The following PLXND1 variants were observed in gnomAD, a reference collection of about 807,000 sequenced individuals.
PLXND1 encodes plexin-D1.
A neutral mutation model predicts 197.7 loss-of-function variants in PLXND1; 54 were observed. The observed-to-expected ratio is 0.27, with a 90% CI of 0.22 to 0.34. The LOEUF (loss-of-function observed/expected upper bound fraction) is 0.34, where lower values mean the gene tolerates loss of function less well. PLXND1 is among the 10% of genes least tolerant of loss of function. The pLI is 1.00. For missense variants in PLXND1, 2,127 were observed against 2,699.2 expected (o/e 0.79, Z 4.70); for synonymous variants, 1,180 against 1,161.2 (o/e 1.02, Z -0.33).
rs907928900 is a variant in PLXND1, at chr3:129,577,367, C to T, written c.2346+962G>A. Among the ~76,000 whole-genome samples, 2 of 152,198 alleles carry T rather than the reference C, an allele frequency of 1.3e-5. No individual in the cohort carries two copies. The highest frequency in any genetic ancestry group is 2.9e-5 in the Non-Finnish European group (2 of 68,026). On this transcript the variant is annotated intron_variant, in intron 9 of 35. Transcript: ENST00000324093. This position sits in a 1 kb window ranked among gnomAD's most constrained non-coding sequence, Gnocchi z 5.0. ...TCAAGTCAGGCTCACACCTCCCCATCCCAGGCGCCCACGGCCCAGGGGCAG... is the reference window on the plus strand; with the variant it reads ...TCAAGTCAGGCTCACACCTCCCCATTCCAGGCGCCCACGGCCCAGGGGCAG...
chr3:129,575,582 A>C lies in PLXND1; in HGVS notation c.2437-20T>G. The stretch of plus-strand genomic sequence containing the variant: ...GTGCAGCTGCAAAAGGGCAGAAAAG[A>C]GCATAGGGGGCATGGGCAATGCCTG... On this transcript the variant is annotated intron_variant, in intron 10 of 35. Transcript: ENST00000324093. 6.5e-7 allele frequency: 1 copy of C among 1,532,838 alleles called. No homozygotes were observed. Among genetic ancestry groups the C allele is most frequent in the Non-Finnish European group, 8.9e-7 (1 of 1,129,564 alleles). 95.0% of individuals were successfully genotyped at this position (1,532,838 alleles called of 1,614,324 possible).
rs1560088155 is a variant in PLXND1 at position 129,605,976 on chromosome 3, G to A, written c.664C>T (p.Pro222Ser). 6.2e-7 allele frequency: 1 copy of A among 1,611,122 alleles called. No homozygotes were observed. The highest frequency in any genetic ancestry group is 8.5e-7 in the Non-Finnish European group (1 of 1,179,638). Reference protein sequence around the residue: ...TYTGYGSSFFPRNRSLEDHRF... With the variant: ...TYTGYGSSFFSRNRSLEDHRF... ...TGGTCCTCCAGGCTGCGGTTGCGCG[G>A]GAAGAAGGAGCTGCCGTAACCGGTG... The change falls in exon 1 of 36, where the codon CCG (proline) becomes TCG (serine). Residue 222 changes from proline to serine, a missense_variant. Coordinates refer to ENST00000324093, the MANE Select transcript of PLXND1 (RefSeq NM_015103.3).
intron 34 of PLXND1, 83 bp downstream of exon 34, chr3:129,557,000 C>A: frequency 6.9e-7 from 1 of 1,450,648 alleles, no homozygotes; most frequent in Non-Finnish European, 9.5e-7. Flanking sequence ...GCCCTTACTC[C>A]AGTGGAGGCA....
At chr3:129,576,082 T>G (rs529292839) in intron 9 of PLXND1, among the ~76,000 whole-genome samples, 16 of 152,352 alleles carry the variant, frequency 1.1e-4, no homozygotes, top group African/African-American at 3.4e-4. Flanking sequence ...TTTGGCCTCA[T>G]GCGCTCAGCA....
intron 1 of PLXND1, among the ~76,000 whole-genome samples, chr3:129,590,934 C>T (rs1197362302): frequency 1.3e-5 from 2 of 152,246 alleles, no homozygotes; most frequent in Non-Finnish European, 2.9e-5. Flanking sequence ...TAGGGCAAAG[C>T]TTTAAAGATT....
At chr3:129,601,190 C>T (rs1289102224) in intron 1 of PLXND1, among the ~76,000 whole-genome samples, 1 of 152,152 alleles carries the variant, frequency 6.6e-6, no homozygotes, top group Non-Finnish European at 1.5e-5. Context: ...TTTCTTCACT[C>T]AGTTTCTCTC....
At chr3:129,580,091 G>A (rs1470676883) in intron 8 of PLXND1, among the ~76,000 whole-genome samples, 1 of 152,122 alleles carries the variant, frequency 6.6e-6, no homozygotes, top group Non-Finnish European at 1.5e-5. Context: ...TTACAGAATA[G>A]GAAACTGAGG....
intron 25 of PLXND1, 31 bp from the exon 26 acceptor site, chr3:129,563,271 C>T (rs768815320): frequency 2.5e-6 from 4 of 1,574,438 alleles, no homozygotes; most frequent in Non-Finnish European, 2.6e-6. Context: ...AGGGCCAAGG[C>T]CCCCTCTGTA....
At position 129,557,838 on chromosome 3, in the gene PLXND1, C is replaced by T. The variant is rs1167510797; in HGVS notation, c.5445+590G>A. On this transcript the variant is annotated intron_variant, in intron 33 of 35. Coordinates refer to ENST00000324093, the MANE Select transcript of PLXND1 (RefSeq NM_015103.3). This position sits in a 1 kb window ranked among gnomAD's most constrained non-coding sequence, Gnocchi z 4.8. ...GCAGTGCCAGCTTTAATGATACAAT[C>T]TCATCCCTGCTCACAGCAACCGGCT... 6.6e-6 allele frequency among the ~76,000 whole-genome samples: 1 copy of T among 152,206 alleles called. No homozygotes were observed. The highest frequency in any genetic ancestry group is 1.9e-4 in the East Asian group (1 of 5,198).
rs1031988928 is a variant in PLXND1, at chr3:129,555,987, C to T, written c.*325G>A. ...TGCTTGGCCGCCTGGATGCACGGGG[C>T]TCTTGGCAGCAGGACCAACTGGACG... On this transcript the variant is annotated 3_prime_UTR_variant, in exon 36 of 36. Transcript: ENST00000324093. The T allele has an allele frequency of 4.7e-5, 15 of 320,244 alleles. No individual in the cohort carries two copies. The South Asian group carries it at 6.6e-4, about 14-fold the overall frequency. The allele number at this position is 320,244 out of a possible 1,614,324, so 19.8% of individuals were successfully genotyped here. A position where few individuals can be genotyped will look rare whatever the true frequency, so the allele number is the denominator to read the frequency against.
intron 5 of PLXND1, among the ~76,000 whole-genome samples, chr3:129,585,404 G>T (rs2085444720): frequency 2.0e-5 from 3 of 152,206 alleles, no homozygotes; most frequent in South Asian, 4.1e-4. Flanking sequence ...CACCGCCAAG[G>T]CTGCCTGCCA....
intron 1 of PLXND1, among the ~76,000 whole-genome samples, chr3:129,590,835 C>T (rs1246227758): frequency 6.6e-6 from 1 of 152,216 alleles, no homozygotes; most frequent in Non-Finnish European, 1.5e-5. Flanking sequence ...AGGTAGCAGA[C>T]TTGAGCCCAT....
In PLXND1 at chr3:129,571,196, G is replaced by T. The variant is rs148029269; in HGVS notation, c.3444C>A (p.Asp1148Glu). 6.2e-7 allele frequency: 1 copy of T among 1,614,186 alleles called. No homozygotes were observed. The highest frequency in any genetic ancestry group is 8.5e-7 in the Non-Finnish European group (1 of 1,180,024). The change falls in exon 18 of 36, where the codon GAC becomes GAA. Residue 1148 changes from aspartate (D) to glutamate (E), a missense_variant. By Grantham distance (45) the Asp-to-Glu change is conservative. This residue lies in a region of PLXND1 where 532 missense variants were observed against 811.0 expected (regional missense o/e 0.66). Coordinates refer to ENST00000324093, the MANE Select transcript of PLXND1 (RefSeq NM_015103.3). ...DFFINGRAYA[D>E]EVAVAEELLD... ...GTAGCTCCTCAGCCACAGCCACCTC[G>T]TCTGCGTAGGCCCGCCCATTGATGA...
chr3:129,589,926 C>T (rs1036124260), intron 1 of PLXND1, among the ~76,000 whole-genome samples: 5 of 152,274 alleles, frequency 3.3e-5, no homozygotes, highest in South Asian at 2.1e-4. Context: ...CGGAGGCCAC[C>T]GTCAGCCTCA....
At chr3:129,590,305 G>A (rs1022549195) in intron 1 of PLXND1, among the ~76,000 whole-genome samples, 7 of 78,194 alleles carry the variant, frequency 9.0e-5, no homozygotes, top group Admixed American at 1.1e-4. Flanking sequence ...CCCATGTCCG[G>A]GCTGTTCCCT....
chr3:129,586,205 T>A lies in PLXND1; in HGVS notation c.1688A>T (p.Asp563Val). 6.2e-7 allele frequency: 1 copy of A among 1,604,002 alleles called. No homozygotes were observed. The change falls in exon 4 of 36, where the codon GAC becomes GTC. Residue 563 changes from aspartate (D) to valine (V), a missense_variant. Asp to Val is a radical substitution (Grantham distance 152). Around this residue, in one of 6 missense-constraint regions of PLXND1, gnomAD observed 1,095 missense variants for 1,259.8 expected, o/e 0.87. Coordinates refer to ENST00000324093, the MANE Select transcript of PLXND1 (RefSeq NM_015103.3). ...CAGGGCACACCAGCCGCAGTAGGCG[T>A]CCGCCGCACCCACGCAGTCCCCACA... ...STCGDCVGAA[D>V]AYCGWCALET...
intron 1 of PLXND1, among the ~76,000 whole-genome samples, chr3:129,598,312 G>A (rs1021464161): frequency 6.6e-6 from 1 of 152,106 alleles, no homozygotes; most frequent in East Asian, 1.9e-4. Context: ...TGGTTAGTGT[G>A]TGGCATCTGT....
intron 1 of PLXND1, among the ~76,000 whole-genome samples, chr3:129,602,970 GC>G (rs1214447665): frequency 1.3e-5 from 2 of 152,168 alleles, no homozygotes; most frequent in East Asian, 3.9e-4. Context: ...TTGAACCCAA[GC>G]AGCCTGATGC....
chr3:129,596,859 C>T (rs1476692479), intron 1 of PLXND1, among the ~76,000 whole-genome samples: 1 of 152,142 alleles, frequency 6.6e-6, no homozygotes, highest in East Asian at 1.9e-4. Flanking sequence ...GAAGACAGGG[C>T]TGCTTGGAGC....
Sources: allele counts gnomAD v4.1 joint callset (sites outside exome capture counted in the v4.1 genomes callset), GRCh38; gene constraint gnomAD v4.1.1; regional missense constraint gnomAD v4.1.1; non-coding constraint Gnocchi (gnomAD v3.1); transcripts MANE v1.5; gene names NCBI Gene and HGNC (gene_info 2026-07-23, HGNC 2026-07-21).